NPSR1: variants seen among roughly 807,000 people sequenced by gnomAD.
The protein encoded by NPSR1 is neuropeptide S receptor 1.
NPSR1 carries 48 observed loss-of-function variants against 46.9 expected under a neutral mutation model. That is an observed-to-expected ratio of 1.02 (90% CI 0.81 to 1.30). NPSR1 has a LOEUF of 1.30. Among genes scored for constraint, NPSR1 ranks in the 50% most tolerant of loss-of-function variants. The pLI, the probability that NPSR1 is intolerant of heterozygous loss-of-function variation, is 0.00. For synonymous variants in NPSR1, 176 were observed against 168.1 expected (o/e 1.05, Z -0.36); for missense variants, 450 against 449.5 (o/e 1.00, Z -0.01).
At chr7:34,759,070 T>C (rs1342536795) in intron 2 of NPSR1, among the ~76,000 whole-genome samples, 2 of 152,214 alleles carry the variant, frequency 1.3e-5, no homozygotes, top group African/African-American at 4.8e-5. Context: ...TTCCTCTTAG[T>C]ATATAGTATC....
intron 2 of NPSR1, among the ~76,000 whole-genome samples, chr7:34,692,584 T>C (rs188559923): frequency 1.4e-4 from 22 of 152,194 alleles, no homozygotes; most frequent in African/African-American, 5.3e-4. Context: ...AATTCAATGC[T>C]TACACTAAAA....
Position 34,751,072 on chromosome 7 carries a change from C to T in NPSR1, c.281-27390C>T, listed in dbSNP as rs1785497141. On this transcript the variant is annotated intron_variant, in intron 2 of 8. Transcript: ENST00000360581. ...AGCATGGCCATCTCACTCACCTGCCCCTTTACCTTCACCATGTCCTTGAGG... is the reference window on the plus strand; with the variant it reads ...AGCATGGCCATCTCACTCACCTGCCTCTTTACCTTCACCATGTCCTTGAGG... 5.1e-6 allele frequency: 4 copies of T among 787,914 alleles called. No homozygotes were observed. In the South Asian group the frequency reaches 5.4e-5, roughly 11 times the overall value. The allele number at this position is 787,914 out of a possible 1,614,324, so 48.8% of individuals were successfully genotyped here. A position where few individuals can be genotyped will look rare whatever the true frequency, so the allele number is the denominator to read the frequency against.
At chr7:34,710,316 G>A (rs1013631293) in intron 2 of NPSR1, among the ~76,000 whole-genome samples, 1 of 152,190 alleles carries the variant, frequency 6.6e-6, no homozygotes. Flanking sequence ...AGCTACAGTG[G>A]CCTCCCTTTA....
At chr7:34,678,049 T>C (rs1425334661) in intron 1 of NPSR1, among the ~76,000 whole-genome samples, 1 of 152,120 alleles carries the variant, frequency 6.6e-6, no homozygotes, top group African/African-American at 2.4e-5. Context: ...GGATTTCTGA[T>C]CTGGCAAAGA....
At chr7:34,759,969 T>C (rs1786077810) in intron 2 of NPSR1, among the ~76,000 whole-genome samples, 1 of 152,214 alleles carries the variant, frequency 6.6e-6, no homozygotes, top group Admixed American at 6.5e-5. Context: ...TGTTCTAGTC[T>C]CTCAAGGATT....
chr7:34,689,667 G>T (rs145488300), intron 2 of NPSR1, among the ~76,000 whole-genome samples: 1 of 149,598 alleles, frequency 6.7e-6, no homozygotes, highest in East Asian at 2.0e-4. Flanking sequence ...TCTAGGCAGG[G>T]CATGGTGGTT....
intron 5 of NPSR1, among the ~76,000 whole-genome samples, chr7:34,833,858 T>C (rs1275212490): frequency 1.3e-5 from 2 of 152,114 alleles, no homozygotes; most frequent in African/African-American, 2.4e-5. Context: ...CAGCAATGCA[T>C]AGAGACACCA....
chr7:34,687,853 G>A (rs1420227272), intron 2 of NPSR1, among the ~76,000 whole-genome samples: 2 of 152,140 alleles, frequency 1.3e-5, no homozygotes, highest in Non-Finnish European at 2.9e-5. Context: ...TAAGACTTGA[G>A]GGGCCAAGAT....
chr7:34,873,851 G>A (rs1791515749), intron 8 of NPSR1, among the ~76,000 whole-genome samples: 1 of 151,640 alleles, frequency 6.6e-6, no homozygotes, highest in African/African-American at 2.4e-5. Flanking sequence ...CAGGAGGCAG[G>A]AAGACAAGAC....
chr7:34,751,312 G>C, intron 2 of NPSR1: 1 of 997,592 alleles, frequency 1.0e-6, no homozygotes, highest in Admixed American at 1.7e-5. Context: ...GCAGAAAGTG[G>C]TACTGATCAT....
intron 8 of NPSR1, among the ~76,000 whole-genome samples, chr7:34,858,629 G>T (rs1791110337): frequency 6.6e-6 from 1 of 151,856 alleles, no homozygotes; most frequent in South Asian, 2.1e-4. Context: ...TGCTGGGGAG[G>T]TTTCACAATC....
chr7:34,689,836 C>A (rs2128688610), intron 2 of NPSR1, among the ~76,000 whole-genome samples: 1 of 150,736 alleles, frequency 6.6e-6, no homozygotes, highest in East Asian at 2.0e-4. Flanking sequence ...TCCCAGTTGC[C>A]AGGGAGGCTG....
At chr7:34,723,108 G>A (rs956613488) in intron 2 of NPSR1, among the ~76,000 whole-genome samples, 1 of 152,156 alleles carries the variant, frequency 6.6e-6, no homozygotes, top group African/African-American at 2.4e-5. Context: ...CGTCCATCCT[G>A]GCTGCAGCAA....
chr7:34,705,981 T>A (rs1044211602), intron 2 of NPSR1, among the ~76,000 whole-genome samples: 1 of 151,938 alleles, frequency 6.6e-6, no homozygotes, highest in Non-Finnish European at 1.5e-5. Flanking sequence ...ACACCTGGCA[T>A]TTCTTTATGA....
At chr7:34,754,905 G>A (rs1785741785) in intron 2 of NPSR1, among the ~76,000 whole-genome samples, 1 of 152,016 alleles carries the variant, frequency 6.6e-6, no homozygotes, top group Non-Finnish European at 1.5e-5. Flanking sequence ...TTTTGTGACT[G>A]GTTTATTTCA....
At chr7:34,798,536 GA>G (rs1230511637) in intron 3 of NPSR1, among the ~76,000 whole-genome samples, 1 of 152,002 alleles carries the variant, frequency 6.6e-6, no homozygotes, top group African/African-American at 2.4e-5. Flanking sequence ...CTCTGTCTAA[GA>G]AAAAGGGGCG....
chr7:34,804,073 A>G (rs1336679337), intron 3 of NPSR1, among the ~76,000 whole-genome samples: 1 of 152,124 alleles, frequency 6.6e-6, no homozygotes, highest in East Asian at 1.9e-4. Flanking sequence ...AATCATTTAA[A>G]AAAAAAATGG....
intron 8 of NPSR1, among the ~76,000 whole-genome samples, chr7:34,864,348 G>A (rs1443513673): frequency 6.7e-6 from 1 of 148,274 alleles, no homozygotes; most frequent in Admixed American, 6.7e-5. Context: ...TTCTGCACAT[G>A]TATCCCAGAA....
intron 2 of NPSR1, among the ~76,000 whole-genome samples, chr7:34,696,487 A>C (rs1385566288): frequency 6.6e-6 from 1 of 152,070 alleles, no homozygotes; most frequent in Non-Finnish European, 1.5e-5. Context: ...TGGAATCTAA[A>C]ATTTTAAAAT....
Sources: allele counts gnomAD v4.1 joint callset (sites outside exome capture counted in the v4.1 genomes callset), GRCh38; gene constraint gnomAD v4.1.1; transcripts MANE v1.5; gene names NCBI Gene and HGNC (gene_info 2026-07-23, HGNC 2026-07-21).